Variants in CENPT observed in about 807,000 individuals in gnomAD.
CENPT encodes the protein centromere protein T.
A neutral mutation model predicts 59.7 loss-of-function variants in CENPT; 42 were observed. That is an observed-to-expected ratio of 0.70 (90% CI 0.55 to 0.91). CENPT has a LOEUF of 0.91. Ranked by LOEUF, CENPT falls within the 40% of genes least tolerant of loss-of-function variation. CENPT has a pLI of 0.00. For synonymous variants in CENPT, 295 were observed against 289.6 expected, an observed-to-expected ratio of 1.02 and a Z score of -0.19; for missense variants, 716 against 713.4, an observed-to-expected ratio of 1.00 and a Z score of -0.04.
chr16:67,842,668 G>A lies in CENPT; in HGVS notation c.-492+4733C>T. ...CTGAGTTGCGGCGCCTCTGGCTCAA[G>A]AACGTGTCGCGTGCCGGCGTCAGTG... is the stretch of plus-strand genomic sequence containing the variant. On this transcript the variant is annotated intron_variant, in intron 1 of 15. Coordinates refer to ENST00000562787, the MANE Select transcript of CENPT (RefSeq NM_025082.4). This position sits in a 1 kb window ranked among gnomAD's most constrained non-coding sequence, Gnocchi z 4.9. The A allele has an allele frequency of 3.8e-6, 6 of 1,572,200 alleles. No homozygotes were observed. The highest frequency in any genetic ancestry group is 5.2e-6 in the Non-Finnish European group (6 of 1,158,098).
intron 1 of CENPT, among the ~76,000 whole-genome samples, chr16:67,836,102 C>T (rs999996344): frequency 1.3e-5 from 2 of 151,496 alleles, no homozygotes; most frequent in Non-Finnish European, 2.9e-5. Flanking sequence ...CTTTGTTGCC[C>T]GGGATGGAGT....
At chr16:67,830,184 C>T in intron 11 of CENPT, 96 bp from the exon 12 acceptor site, 1 of 1,327,940 alleles carries the variant, frequency 7.5e-7, no homozygotes, top group Non-Finnish European at 1.1e-6. Context: ...CCCAGTCCTG[C>T]CCACTGAGGA....
chr16:67,837,623 G>A (rs375389690), intron 1 of CENPT, among the ~76,000 whole-genome samples: 2 of 152,070 alleles, frequency 1.3e-5, no homozygotes, highest in African/African-American at 2.4e-5. Context: ...CAGGAGAATC[G>A]CTTGAACTTG....
Position 67,828,315 on chromosome 16 carries a change from C to A in CENPT, c.1638G>T (p.Leu546=), listed in dbSNP as rs1247563633. 1 of 1,608,746 alleles carries A rather than the reference C, an allele frequency of 6.2e-7. No homozygotes were observed. Among genetic ancestry groups the A allele is most frequent in the South Asian group, 1.1e-5 (1 of 90,748 alleles). ...ERHLPLEYRQ[L]LIPCAYSGNS... is the part of the protein sequence containing the mutation. ...TGCCACTGTATGCACAGGGGATGAG[C>A]AGCTGCCGGTACTCCAGGGGCAGGT... The change falls in exon 16 of 16, where the codon CTG becomes CTT. Residue 546 remains leucine, a synonymous_variant. Coordinates refer to ENST00000562787, the MANE Select transcript of CENPT (RefSeq NM_025082.4).
chr16:67,832,026 C>T lies in CENPT; in HGVS notation c.372G>A (p.Glu124=). The T allele has an allele frequency of 1.2e-6, 2 of 1,605,772 alleles. No individual in the cohort carries two copies. The highest frequency in any genetic ancestry group is 2.2e-5 in the South Asian group (2 of 90,134). ...APQAVQPSRQ[E]SSCGSLELQL... ...GTTCTGTGTACCTGCCGCAACTGCT[C>T]TCTTGTCTGGAGGGTTGGACCGCCT... The change falls in exon 7 of 16, where the codon GAG becomes GAA. Residue 124 remains glutamate, a synonymous_variant. Coordinates refer to ENST00000562787, the MANE Select transcript of CENPT (RefSeq NM_025082.4).
chr16:67,844,920 C>T (rs2057787442), intron 1 of CENPT, among the ~76,000 whole-genome samples: 1 of 151,980 alleles, frequency 6.6e-6, no homozygotes, highest in Admixed American at 6.6e-5. Flanking sequence ...TCCTGAGTAG[C>T]TGGGATTATA....
chr16:67,843,181 G>C lies in CENPT; in HGVS notation c.-492+4220C>G. 8 of 1,611,152 alleles carry C rather than the reference G, an allele frequency of 5.0e-6. No individual in the cohort carries two copies. The highest frequency in any genetic ancestry group is 6.8e-6 in the Non-Finnish European group (8 of 1,179,628). On this transcript the variant is annotated intron_variant, in intron 1 of 15. Transcript: ENST00000562787. The surrounding 1 kb of genome is among the most constrained non-coding windows in gnomAD (Gnocchi z 5.7). ...GCGCAGCCGCTGCGGCCGCCGCGTCGGAGTTACAGGCTGCTACCGCAGGGC... is the reference window on the plus strand; with the variant it reads ...GCGCAGCCGCTGCGGCCGCCGCGTCCGAGTTACAGGCTGCTACCGCAGGGC...
At position 67,831,582 on chromosome 16, in the gene CENPT, A is replaced by G; in HGVS notation, c.554T>C (p.Leu185Pro). The part of the protein sequence containing the change: ...EPQGNADASS[L>P]TRSLNLTFAT... ...GAAACACCCAGAGCAGCACCTGGTG[A>G]GGGAAGAGGCATCAGCATTCCCTTG... The change falls in exon 9 of 16, where the codon CTC becomes CCC. Residue 185 changes from leucine to proline, a missense_variant. Coordinates refer to ENST00000562787, the MANE Select transcript of CENPT (RefSeq NM_025082.4). 6.2e-7 allele frequency: 1 copy of G among 1,614,138 alleles called. No individual in the cohort carries two copies. Among genetic ancestry groups the G allele is most frequent in the Non-Finnish European group, 8.5e-7 (1 of 1,180,008 alleles).
chr16:67,842,643 C>T lies in CENPT; in HGVS notation c.-492+4758G>A, dbSNP rs762335817. On this transcript the variant is annotated intron_variant, in intron 1 of 15. Coordinates refer to ENST00000562787, the MANE Select transcript of CENPT (RefSeq NM_025082.4). This position sits in a 1 kb window ranked among gnomAD's most constrained non-coding sequence, Gnocchi z 4.9. ...CACTTCTACACGTTTCCAAAGGACGCTGAGTTGCGGCGCCTCTGGCTCAAG... is the reference window on the plus strand; with the variant it reads ...CACTTCTACACGTTTCCAAAGGACGTTGAGTTGCGGCGCCTCTGGCTCAAG... The T allele has an allele frequency of 3.9e-6, 6 of 1,555,620 alleles. No individual in the cohort carries two copies. The highest frequency in any genetic ancestry group is 2.4e-5 in the East Asian group (1 of 41,230).
intron 1 of CENPT, among the ~76,000 whole-genome samples, chr16:67,839,429 G>A (rs549450888): frequency 6.6e-6 from 1 of 150,798 alleles, no homozygotes; most frequent in South Asian, 2.1e-4. Context: ...GTGTGGTCGT[G>A]CACACCTGTA....
intron 1 of CENPT, among the ~76,000 whole-genome samples, chr16:67,839,216 C>T (rs756424287): frequency 1.3e-5 from 2 of 151,532 alleles, no homozygotes; most frequent in Non-Finnish European, 2.9e-5. Context: ...AGGAAAACCC[C>T]GCTCTACAAA....
rs1328281107 is a variant in CENPT at position 67,843,562 on chromosome 16, T to G, written c.-492+3839A>C. 1 of 1,521,970 alleles carries G rather than the reference T, an allele frequency of 6.6e-7. No homozygotes were observed. The highest frequency in any genetic ancestry group is 8.9e-7 in the Non-Finnish European group (1 of 1,122,610). 94.3% of individuals were successfully genotyped at this position (1,521,970 alleles called of 1,614,324 possible). A position where few individuals can be genotyped will look rare whatever the true frequency, so the allele number is the denominator to read the frequency against. ...ATCCAGCCAGGGGACCGCAGGCCAT[T>G]GTTGAACTCCTCTATACTCCTGGGC... On this transcript the variant is annotated intron_variant, in intron 1 of 15. Coordinates refer to ENST00000562787, the MANE Select transcript of CENPT (RefSeq NM_025082.4). This position sits in a 1 kb window ranked among gnomAD's most constrained non-coding sequence, Gnocchi z 5.7.
chr16:67,835,884 G>A (rs1395741239), intron 1 of CENPT, among the ~76,000 whole-genome samples: 2 of 150,834 alleles, frequency 1.3e-5, no homozygotes, highest in South Asian at 2.1e-4. Context: ...AGCCTCCTGA[G>A]CAGCTGGGAT....
chr16:67,832,412 G>T (rs369688089), intron 5 of CENPT, 43 bp downstream of exon 5: 2 of 1,609,608 alleles, frequency 1.2e-6, no homozygotes, highest in Admixed American at 1.7e-5. Flanking sequence ...CCCCCTCCCC[G>T]AGGCAGCCAG....
rs1258301305 is a variant in CENPT at position 67,842,815 on chromosome 16, G to A, written c.-492+4586C>T. The A allele has an allele frequency of 1.2e-6, 2 of 1,610,410 alleles. No individual in the cohort carries two copies. The highest frequency in any genetic ancestry group is 1.7e-6 in the Non-Finnish European group (2 of 1,179,282). ...TCTTCCCGCTGCGCGGCGTCAATGA[G>A]CGCAAAGTAGCGCGCAGACCCGCTG... On this transcript the variant is annotated intron_variant, in intron 1 of 15. Transcript: ENST00000562787. The surrounding 1 kb of genome is among the most constrained non-coding windows in gnomAD (Gnocchi z 4.9).
At chr16:67,836,396 G>C (rs1260293129) in intron 1 of CENPT, among the ~76,000 whole-genome samples, 1 of 151,042 alleles carries the variant, frequency 6.6e-6, no homozygotes, top group African/African-American at 2.4e-5. Flanking sequence ...TCATTTACTA[G>C]TAAAACCTTG....
intron 14 of CENPT, 42 bp downstream of exon 14, chr16:67,828,625 C>T (rs762994654): frequency 3.2e-5 from 52 of 1,613,774 alleles, no homozygotes; most frequent in Non-Finnish European, 4.3e-5. Flanking sequence ...CTGATCATGA[C>T]CCGAGGGGTT....
rs780339159 is a variant in CENPT, at chr16:67,832,013, T to C, written c.385A>G (p.Ser129Gly). Residue 129 changes from serine to glycine, a missense_variant and splice_region_variant, in exon 7 of 16, where the codon AGC (serine) becomes GGC (glycine). Physicochemically the swap from Ser to Gly is moderately conservative, Grantham distance 56. Coordinates refer to ENST00000562787, the MANE Select transcript of CENPT (RefSeq NM_025082.4). ...QPSRQESSCG[S>G]LELQLPELEP... ...CCAAGGTGGGGGAGTTCTGTGTACCTGCCGCAACTGCTCTCTTGTCTGGAG... is the reference window on the plus strand; with the variant it reads ...CCAAGGTGGGGGAGTTCTGTGTACCCGCCGCAACTGCTCTCTTGTCTGGAG... The C allele has an allele frequency of 1.1e-5, 18 of 1,599,788 alleles. No individual in the cohort carries two copies. Among genetic ancestry groups the C allele is most frequent in the Non-Finnish European group, 1.5e-5 (18 of 1,171,272 alleles).
chr16:67,845,008 C>T (rs896936083), intron 1 of CENPT, among the ~76,000 whole-genome samples: 3 of 152,108 alleles, frequency 2.0e-5, no homozygotes, highest in Middle Eastern at 3.4e-3. Flanking sequence ...AGGCTGGTCT[C>T]GAGCTCCTGA....
Sources: gnomAD v4.1 joint callset for allele counts (sites outside exome capture counted in the v4.1 genomes callset) on GRCh38, gnomAD v4.1.1 for gene constraint, Gnocchi (gnomAD v3.1) non-coding constraint, MANE v1.5 for transcripts, NCBI Gene and HGNC (gene_info 2026-07-23, HGNC 2026-07-21) for gene names.